The following XPO4 variants were observed in gnomAD, a reference collection of about 807,000 sequenced individuals.
XPO4 encodes the protein exportin-4.
Under a neutral mutation model 143.0 loss-of-function variants are expected in XPO4, and 39 were observed. The observed-to-expected ratio is 0.27, with a 90% confidence interval of 0.21 to 0.36. XPO4 has a LOEUF of 0.36. XPO4 is among the 10% of genes least tolerant of loss of function. The pLI is 1.00. For synonymous variants in XPO4, 439 were observed against 474.0 expected, an observed-to-expected ratio of 0.93 and a Z score of 0.96; for missense variants, 907 against 1,348.0, an observed-to-expected ratio of 0.67 and a Z score of 5.12.
intron 1 of XPO4, among the ~76,000 whole-genome samples, chr13:20,887,716 C>G (rs1473755956): frequency 1.3e-5 from 2 of 151,600 alleles, no homozygotes; most frequent in African/African-American, 4.9e-5. Context: ...TTTCAATTAG[C>G]CTGGCGTGGT....
intron 9 of XPO4, among the ~76,000 whole-genome samples, chr13:20,814,246 T>A (rs1595085562): frequency 6.6e-6 from 1 of 152,258 alleles, no homozygotes; most frequent in African/African-American, 2.4e-5. Flanking sequence ...TGGTTGTTTT[T>A]TAGGTACATA....
chr13:20,842,422 C>T (rs962807058), intron 6 of XPO4, among the ~76,000 whole-genome samples: 1 of 152,104 alleles, frequency 6.6e-6, no homozygotes, highest in Admixed American at 6.5e-5. Flanking sequence ...CTGGTAAAGG[C>T]CCTTGAAGAG....
intron 2 of XPO4, chr13:20,868,308 A>C (rs1566616733): frequency 1.4e-5 from 3 of 218,248 alleles, no homozygotes; most frequent in Non-Finnish European, 2.6e-5. Flanking sequence ...AACTGAAAAA[A>C]TACTAAATTT....
intron 5 of XPO4, 69 bp from the exon 6 acceptor site, chr13:20,843,117 T>A: frequency 7.0e-7 from 1 of 1,421,514 alleles, no homozygotes; most frequent in Middle Eastern, 1.9e-4. Context: ...TTTAGAATCA[T>A]GAAACAAAAC....
At chr13:20,810,023 C>T (rs2059557416) in intron 9 of XPO4, 56 bp from the exon 10 acceptor site, 1 of 1,441,962 alleles carries the variant, frequency 6.9e-7, no homozygotes. Context: ...ATTGGCATAA[C>T]AACAGTCATA....
intron 1 of XPO4, among the ~76,000 whole-genome samples, chr13:20,878,751 G>C (rs79286165): frequency 0.022 from 3,278 of 152,268 alleles, 62 homozygotes; most frequent in Non-Finnish European, 0.035. Flanking sequence ...CTCAAAGGGG[G>C]CTTCAATTAT....
chr13:20,874,828 A>G (rs2060336260), intron 1 of XPO4, among the ~76,000 whole-genome samples: 1 of 152,128 alleles, frequency 6.6e-6, no homozygotes, highest in Non-Finnish European at 1.5e-5. Flanking sequence ...TCCCATCTCT[A>G]CTAAAAATAC....
intron 4 of XPO4, chr13:20,852,490 A>C (rs1396045336): frequency 1.0e-6 from 1 of 985,334 alleles, no homozygotes. Flanking sequence ...AAATTCGAAC[A>C]AATTCATAGA....
At chr13:20,858,922 GTATATATATATATA>G (rs59921874) in intron 3 of XPO4, among the ~76,000 whole-genome samples, 1 of 148,788 alleles carries the variant, frequency 6.7e-6, no homozygotes, top group Non-Finnish European at 1.5e-5. Context: ...ATGTGTGTGT[GTATATATATATATA>G]TATATATATA....
intron 6 of XPO4, among the ~76,000 whole-genome samples, chr13:20,837,436 A>G (rs2059929256): frequency 6.6e-6 from 1 of 151,782 alleles, no homozygotes; most frequent in Admixed American, 6.6e-5. Context: ...GTCTCACTCT[A>G]TCCCTCAGGC....
intron 1 of XPO4, among the ~76,000 whole-genome samples, chr13:20,893,744 C>CTGGG (rs113317298): frequency 0.45 from 66,772 of 148,246 alleles, 15,497 homozygotes; most frequent in Middle Eastern, 0.56. Flanking sequence ...GCACTCCTGG[C>CTGGG]TGACAGGGTG....
chr13:20,877,003 T>G (rs1410343336), intron 1 of XPO4, among the ~76,000 whole-genome samples: 1 of 152,118 alleles, frequency 6.6e-6, no homozygotes, highest in African/African-American at 2.4e-5. Context: ...GGTGCATATA[T>G]AATCCTTTAG....
At chr13:20,823,374 T>C (rs1156407692) in intron 7 of XPO4, among the ~76,000 whole-genome samples, 1 of 152,202 alleles carries the variant, frequency 6.6e-6, no homozygotes, top group Non-Finnish European at 1.5e-5. Flanking sequence ...AGTCCCTTAA[T>C]CCTTAATCTC....
intron 3 of XPO4, among the ~76,000 whole-genome samples, chr13:20,861,775 C>T (rs1452946686): frequency 8.1e-6 from 1 of 123,212 alleles, no homozygotes; most frequent in Non-Finnish European, 1.6e-5. Context: ...GCACATTTCT[C>T]TCTTTTTTTT....
At chr13:20,886,025 C>T (rs2060458944) in intron 1 of XPO4, among the ~76,000 whole-genome samples, 1 of 152,172 alleles carries the variant, frequency 6.6e-6, no homozygotes, top group Admixed American at 6.5e-5. Context: ...GGAAGATTAA[C>T]ATGTAACTCT....
At chr13:20,880,161 C>A (rs144008356) in intron 1 of XPO4, among the ~76,000 whole-genome samples, 1 of 152,028 alleles carries the variant, frequency 6.6e-6, no homozygotes, top group East Asian at 1.9e-4. Flanking sequence ...CAGACGGGCG[C>A]GGTGGCTCAT....
Position 20,833,541 on chromosome 13 carries a change from G to A in XPO4, c.728-6362C>T, listed in dbSNP as rs181820964. Among the ~76,000 whole-genome samples the A allele has an allele frequency of 2.0e-5, 3 of 151,928 alleles. 1 individual carries two copies. Among genetic ancestry groups the A allele is most frequent in the Admixed American group, 2.0e-4 (3 of 15,276 alleles). On this transcript the variant is annotated intron_variant, in intron 6 of 22. Transcript: ENST00000255305. ...CATTGTTGCACTGTTTTTAAAATTT[G>A]TATTTTTTTAATTGTTGTATTGTTA...
At chr13:20,825,071 T>C (rs1489125741) in intron 7 of XPO4, among the ~76,000 whole-genome samples, 1 of 152,048 alleles carries the variant, frequency 6.6e-6, no homozygotes, top group African/African-American at 2.4e-5. Flanking sequence ...CCAATATTTA[T>C]GTGATGAGCA....
At chr13:20,876,293 AG>A (rs2060353023) in intron 1 of XPO4, among the ~76,000 whole-genome samples, 1 of 151,212 alleles carries the variant, frequency 6.6e-6, no homozygotes, top group South Asian at 2.1e-4. Context: ...AAGAATAAGA[AG>A]GGGGTAATAC....
Sources: allele counts gnomAD v4.1 joint callset (sites outside exome capture counted in the v4.1 genomes callset), GRCh38; gene constraint gnomAD v4.1.1; transcripts MANE v1.5; gene names NCBI Gene and HGNC (gene_info 2026-07-23, HGNC 2026-07-21).